Variants in PLCL2 observed in about 807,000 individuals in gnomAD.
The protein encoded by PLCL2 is inactive phospholipase C-like protein 2.
A neutral mutation model predicts 79.6 loss-of-function variants in PLCL2; 4 were observed. The ratio of observed to expected loss-of-function variants is 0.05; its 90% CI spans 0.02 to 0.11. The LOEUF is 0.11. Among genes scored for constraint, PLCL2 ranks in the 10% least tolerant of loss-of-function variants. The pLI, the probability that PLCL2 is intolerant of heterozygous loss-of-function variation, is 1.00. For synonymous variants in PLCL2, 484 were observed against 457.7 expected, an observed-to-expected ratio of 1.06 and a Z score of -0.73; for missense variants, 895 against 1,291.0, an observed-to-expected ratio of 0.69 and a Z score of 4.70.
chr3:16,893,527 T>C (rs1198728316), intron 1 of PLCL2, among the ~76,000 whole-genome samples: 1 of 152,232 alleles, frequency 6.6e-6, no homozygotes, highest in Non-Finnish European at 1.5e-5. Context: ...AAGTGATTAA[T>C]CATGGAGATT....
chr3:16,999,323 T>C (rs926485260), intron 1 of PLCL2, among the ~76,000 whole-genome samples: 2 of 152,204 alleles, frequency 1.3e-5, no homozygotes, highest in Non-Finnish European at 2.9e-5. Context: ...ATTCTGTTTC[T>C]TCTGTGATAG....
chr3:16,890,713 C>T (rs144674993), intron 1 of PLCL2, among the ~76,000 whole-genome samples: 10 of 152,132 alleles, frequency 6.6e-5, no homozygotes, highest in Non-Finnish European at 8.8e-5. Context: ...ACAGGATCTG[C>T]GACTGTTATG....
At chr3:16,971,481 G>A (rs1316277349) in intron 1 of PLCL2, among the ~76,000 whole-genome samples, 3 of 152,108 alleles carry the variant, frequency 2.0e-5, no homozygotes, top group Non-Finnish European at 4.4e-5. Context: ...GTCAGGTAGC[G>A]TGATGCCTCC....
In PLCL2 at chr3:16,911,728, G is replaced by T. The variant is rs141439864; in HGVS notation, c.327+26362G>T. Among the ~76,000 whole-genome samples the T allele has an allele frequency of 1.3e-3, 201 of 152,264 alleles. 2 individuals are homozygous for T. The highest frequency in any genetic ancestry group is 3.4e-3 in the Middle Eastern group (1 of 294). On this transcript the variant is annotated intron_variant, in intron 1 of 5. Transcript: ENST00000615277. ...GGTGTTCCTGATAATCAATTTTCAT[G>T]CAAAATACAAATGATCATTTATTTG...
At chr3:17,048,016 T>C (rs2064799122) in intron 4 of PLCL2, among the ~76,000 whole-genome samples, 1 of 151,916 alleles carries the variant, frequency 6.6e-6, no homozygotes, top group South Asian at 2.1e-4. Flanking sequence ...CCCGACACAC[T>C]CCTGCATGGG....
Position 17,010,007 on chromosome 3 carries a change from A to G in PLCL2, c.661A>G (p.Ile221Val), listed in dbSNP as rs1404329619. The G allele has an allele frequency of 6.2e-6, 10 of 1,613,804 alleles. No homozygotes were observed. Among genetic ancestry groups the G allele is most frequent in the African/African-American group, 1.3e-5 (1 of 74,924 alleles). Residue 221 changes from isoleucine to valine, a missense_variant, in exon 2 of 6, where the codon ATA becomes GTA. By Grantham distance (29) the Ile-to-Val change is conservative. This residue lies in a region of PLCL2 where 129 missense variants were observed against 208.8 expected (regional missense o/e 0.62). Coordinates refer to ENST00000615277, the MANE Select transcript of PLCL2 (RefSeq NM_001144382.2). The surrounding 1 kb of genome is among the most constrained non-coding windows in gnomAD (Gnocchi z 5.8). Reference sequence around the variant, plus strand: ...ATCTGAAGATTGTGCGTTTTCCGTCATATATGGAGAGAATTATGAGTCACT... The same window carrying G: ...ATCTGAAGATTGTGCGTTTTCCGTCGTATATGGAGAGAATTATGAGTCACT... ...QISEDCAFSV[I>V]YGENYESLDL...
At chr3:16,977,271 C>T (rs2063936189) in intron 1 of PLCL2, among the ~76,000 whole-genome samples, 1 of 152,062 alleles carries the variant, frequency 6.6e-6, no homozygotes, top group Non-Finnish European at 1.5e-5. Context: ...AGAACATAGT[C>T]CTGTAAGTAC....
At chr3:17,005,945 G>A (rs2064256065) in intron 1 of PLCL2, among the ~76,000 whole-genome samples, 1 of 152,152 alleles carries the variant, frequency 6.6e-6, no homozygotes, top group African/African-American at 2.4e-5. Flanking sequence ...CAGTATAACA[G>A]CCAATTCTGA....
chr3:16,978,276 C>T (rs1205661221), intron 1 of PLCL2, among the ~76,000 whole-genome samples: 1 of 152,092 alleles, frequency 6.6e-6, no homozygotes. Flanking sequence ...AAAAATTAAT[C>T]GAAGATTTAA....
intron 3 of PLCL2, among the ~76,000 whole-genome samples, chr3:17,020,354 T>C (rs1164328761): frequency 6.6e-6 from 1 of 152,102 alleles, no homozygotes; most frequent in Non-Finnish European, 1.5e-5. Flanking sequence ...GTAATTAAAT[T>C]GAAGTTGTAG....
At chr3:17,020,138 C>T (rs2064432117) in intron 3 of PLCL2, among the ~76,000 whole-genome samples, 2 of 152,074 alleles carry the variant, frequency 1.3e-5, no homozygotes, top group Admixed American at 6.6e-5. Flanking sequence ...GCAGATTTAC[C>T]ACCTGTTTTA....
chr3:16,900,858 C>A lies in PLCL2; in HGVS notation c.327+15492C>A, dbSNP rs367906298. Among the ~76,000 whole-genome samples, 6 of 152,320 alleles carry A rather than the reference C, an allele frequency of 3.9e-5. No homozygotes were observed. In the East Asian group the frequency reaches 9.6e-4, roughly 24 times the overall value. Reference sequence around the variant, plus strand: ...ACTCTCCATGCCACTTGGGTACCTTCTCACATTTTATACGTGTAAATTGGG... The same window carrying A: ...ACTCTCCATGCCACTTGGGTACCTTATCACATTTTATACGTGTAAATTGGG... On this transcript the variant is annotated intron_variant, in intron 1 of 5. Coordinates refer to ENST00000615277, the MANE Select transcript of PLCL2 (RefSeq NM_001144382.2).
intron 4 of PLCL2, among the ~76,000 whole-genome samples, chr3:17,045,819 C>G (rs540708144): frequency 6.6e-6 from 1 of 152,292 alleles, no homozygotes; most frequent in Non-Finnish European, 1.5e-5. Context: ...GGGAGAAAGG[C>G]TCCTCGTCTG....
chr3:17,082,755 A>G (rs933326014), intron 5 of PLCL2, among the ~76,000 whole-genome samples: 9 of 152,174 alleles, frequency 5.9e-5, no homozygotes, highest in Non-Finnish European at 1.0e-4. Flanking sequence ...GTAGATCTAT[A>G]TATGCTGACA....
chr3:16,896,196 A>G (rs1267648725), intron 1 of PLCL2, among the ~76,000 whole-genome samples: 1 of 152,176 alleles, frequency 6.6e-6, no homozygotes, highest in African/African-American at 2.4e-5. Flanking sequence ...CGTGCCTTTT[A>G]CAGTTTTTTG....
chr3:17,023,132 G>A lies in PLCL2; in HGVS notation c.3018+8221G>A, dbSNP rs576260545. On this transcript the variant is annotated intron_variant, in intron 3 of 5. Coordinates refer to ENST00000615277, the MANE Select transcript of PLCL2 (RefSeq NM_001144382.2). ...TCACCTCGAGGTGGGTACATAGTGG[G>A]GGGATTTCCCAGCTCCAACATGAGT... is the stretch of plus-strand genomic sequence containing the variant. Among the ~76,000 whole-genome samples the A allele has an allele frequency of 3.9e-5, 6 of 152,206 alleles. No homozygotes were observed. In the South Asian group the frequency reaches 6.2e-4, roughly 16 times the overall value.
rs548592810 is a variant in PLCL2, at chr3:16,922,241, A to G, written c.327+36875A>G. On this transcript the variant is annotated intron_variant, in intron 1 of 5. Coordinates refer to ENST00000615277, the MANE Select transcript of PLCL2 (RefSeq NM_001144382.2). ...GAGTTTTAATAGGAATGCTAAGTCA[A>G]ACCTATTTTAAGCATATTACCTCCC... 2.6e-5 allele frequency among the ~76,000 whole-genome samples: 4 copies of G among 152,316 alleles called. No individual in the cohort carries two copies. The East Asian group carries it at 7.7e-4, about 29-fold the overall frequency.
intron 4 of PLCL2, among the ~76,000 whole-genome samples, chr3:17,060,044 C>T (rs1275366566): frequency 6.6e-6 from 1 of 151,986 alleles, no homozygotes; most frequent in Non-Finnish European, 1.5e-5. Context: ...TGAAGAAGAC[C>T]TCTTTATTTC....
At chr3:16,894,560 A>G (rs1229384456) in intron 1 of PLCL2, among the ~76,000 whole-genome samples, 2 of 152,228 alleles carry the variant, frequency 1.3e-5, no homozygotes, top group African/African-American at 4.8e-5. Context: ...CTACCAGGTT[A>G]TATGAATGCT....
Sources: gnomAD v4.1 joint callset for allele counts (sites outside exome capture counted in the v4.1 genomes callset) on GRCh38, gnomAD v4.1.1 for gene constraint, gnomAD v4.1.1 regional missense constraint, Gnocchi (gnomAD v3.1) non-coding constraint, MANE v1.5 for transcripts, NCBI Gene and HGNC (gene_info 2026-07-23, HGNC 2026-07-21) for gene names.